The following USP16 variants were observed in gnomAD, a reference collection of about 807,000 sequenced individuals.
USP16 encodes ubiquitin carboxyl-terminal hydrolase 16.
USP16 carries 77 observed loss-of-function variants against 95.9 expected under a neutral mutation model. That is an observed-to-expected ratio of 0.80 (90% CI 0.67 to 0.97). USP16 has a LOEUF of 0.97. Among genes scored for constraint, USP16 ranks in the 50% least tolerant of loss-of-function variants. The pLI, the probability that USP16 is intolerant of heterozygous loss-of-function variation, is 0.00. For synonymous variants in USP16, 303 were observed against 318.2 expected (o/e 0.95, Z 0.51); for missense variants, 943 against 959.9 (o/e 0.98, Z 0.23).
At position 29,046,797 on chromosome 21, in the gene USP16, A is replaced by G. The variant is rs752649188; in HGVS notation, c.1487A>G (p.Asn496Ser). The change falls in exon 14 of 18, where the codon AAC becomes AGC. Residue 496 changes from asparagine to serine, a missense_variant. Coordinates refer to ENST00000399976, the MANE Select transcript of USP16 (RefSeq NM_006447.3). ...CAAGGAGAAGTAAATATTAAATCCA[A>G]CCATATTTCACAAGAGGGTGTTATG... Reference protein sequence around the residue: ...SLQGEVNIKSNHISQEGVMHK... With the variant: ...SLQGEVNIKSSHISQEGVMHK... The G allele has an allele frequency of 1.9e-6, 3 of 1,614,116 alleles. No individual in the cohort carries two copies. The highest frequency in any genetic ancestry group is 1.6e-4 in the Middle Eastern group (1 of 6,062).
intron 14 of USP16, among the ~76,000 whole-genome samples, 157 bp from the exon 15 acceptor site, chr21:29,048,604 T>C (rs2085366465): frequency 6.6e-6 from 1 of 152,232 alleles, no homozygotes; most frequent in African/African-American, 2.4e-5. Context: ...ATTTTGCCTC[T>C]TACTCCACAA....
At chr21:29,030,425 A>C (rs1053802065) in intron 2 of USP16, among the ~76,000 whole-genome samples, 170 bp from the exon 3 acceptor site, 1 of 152,216 alleles carries the variant, frequency 6.6e-6, no homozygotes, top group Non-Finnish European at 1.5e-5. Flanking sequence ...TCTTTCTCAC[A>C]TATTTATCTC....
chr21:29,026,172 G>A (rs1439810745), intron 1 of USP16, among the ~76,000 whole-genome samples: 1 of 152,122 alleles, frequency 6.6e-6, no homozygotes, highest in Non-Finnish European at 1.5e-5. Flanking sequence ...ACAAGAGAAG[G>A]ACTTGGCCAG....
At chr21:29,045,224 G>A (rs2085305107) in intron 13 of USP16, among the ~76,000 whole-genome samples, 1 of 152,052 alleles carries the variant, frequency 6.6e-6, no homozygotes, top group Admixed American at 6.6e-5. Context: ...GAAAATGTTT[G>A]GTTCCCATCC....
At chr21:29,051,005 A>G (rs889380459) in intron 16 of USP16, among the ~76,000 whole-genome samples, 21 of 152,130 alleles carry the variant, frequency 1.4e-4, no homozygotes, top group African/African-American at 4.6e-4. Flanking sequence ...TGGGCAGGAG[A>G]TGGGGAGATA....
At chr21:29,030,570 C>A in intron 2 of USP16, 25 bp from the exon 3 acceptor site, 1 of 1,531,528 alleles carries the variant, frequency 6.5e-7, no homozygotes. Flanking sequence ...CTTATATATT[C>A]CTTGTCTATT....
intron 16 of USP16, among the ~76,000 whole-genome samples, chr21:29,050,614 T>A (rs2146400524): frequency 6.6e-6 from 1 of 152,268 alleles, no homozygotes; most frequent in African/African-American, 2.4e-5. Flanking sequence ...CAAGATGAAA[T>A]GAGTTTTGCA....
chr21:29,034,761 G>C, intron 3 of USP16, 76 bp from the exon 4 acceptor site: 2 of 1,350,358 alleles, frequency 1.5e-6, no homozygotes, highest in Non-Finnish European at 2.1e-6. Flanking sequence ...CCACTTCCTT[G>C]TTTATGATAG....
In USP16 at chr21:29,047,254, T is replaced by C; in HGVS notation, c.1944T>C (p.Asp648=). 1 of 1,614,144 alleles carries C rather than the reference T, an allele frequency of 6.2e-7. No individual in the cohort carries two copies. Among genetic ancestry groups the C allele is most frequent in the Middle Eastern group, 1.6e-4 (1 of 6,062 alleles). ...TCACCCGTAATGAGAAACTTCGAGA[T>C]GCGAATAAACTGCTTTGTGAAGTAT... ...YQFTRNEKLR[D]ANKLLCEVCT... Residue 648 remains aspartate (D), a synonymous_variant, in exon 14 of 18, where the codon GAT becomes GAC. Transcript: ENST00000399976.
intron 11 of USP16, 115 bp from the exon 12 acceptor site, chr21:29,042,357 C>T: frequency 9.2e-7 from 1 of 1,086,928 alleles, no homozygotes; most frequent in Non-Finnish European, 1.3e-6. Flanking sequence ...TTTTCTTAAG[C>T]CTTTGTTTAT....
intron 14 of USP16, among the ~76,000 whole-genome samples, chr21:29,048,177 G>A (rs2085359516): frequency 1.3e-5 from 2 of 150,696 alleles, no homozygotes; most frequent in South Asian, 4.2e-4. Context: ...CCACCTCCCG[G>A]GTTCAAGAGA....
chr21:29,030,213 C>T (rs983829551), intron 2 of USP16, among the ~76,000 whole-genome samples: 2 of 152,130 alleles, frequency 1.3e-5, no homozygotes, highest in Middle Eastern at 3.4e-3. Flanking sequence ...TAGCACAGTG[C>T]CTGCCCTATA....
intron 16 of USP16, 138 bp downstream of exon 16, chr21:29,050,316 A>G: frequency 1.5e-6 from 1 of 671,740 alleles, no homozygotes; most frequent in Non-Finnish European, 2.4e-6. Flanking sequence ...TTGTACCTTT[A>G]TAATTTGAAG....
chr21:29,044,399 T>G (rs1016550205), intron 13 of USP16, among the ~76,000 whole-genome samples: 2 of 152,018 alleles, frequency 1.3e-5, no homozygotes, highest in Non-Finnish European at 2.9e-5. Context: ...TTGTTTATAC[T>G]TAGATTCTTG....
Position 29,024,745 on chromosome 21 carries a change from G to A in USP16, c.-74G>A. 1 of 1,289,304 alleles carries A rather than the reference G, an allele frequency of 7.8e-7. No homozygotes were observed. Among genetic ancestry groups the A allele is most frequent in the Middle Eastern group, 2.2e-4 (1 of 4,608 alleles). The allele number at this position is 1,289,304 out of a possible 1,614,324, so 79.9% of individuals were successfully genotyped here. ...CTGGCTGCCCAGCCCAAAGGCCCAT[G>A]AGGGGATGCAGTTATGGGCTCTGTC... On this transcript the variant is annotated 5_prime_UTR_variant, in exon 1 of 18. It removes an upstream start codon present in the reference 5' UTR. Coordinates refer to ENST00000399976, the MANE Select transcript of USP16 (RefSeq NM_006447.3).
chr21:29,024,762 G>T lies in USP16; in HGVS notation c.-57G>T. The T allele has an allele frequency of 7.8e-7, 1 of 1,288,650 alleles. No homozygotes were observed. Among genetic ancestry groups the T allele is most frequent in the South Asian group, 1.2e-5 (1 of 80,988 alleles). The allele number at this position is 1,288,650 out of a possible 1,614,324, so 79.8% of individuals were successfully genotyped here. On this transcript the variant is annotated 5_prime_UTR_variant, in exon 1 of 18. Transcript: ENST00000399976. ...AGGCCCATGAGGGGATGCAGTTATGGGCTCTGTCGCCGTGGGTGAGTTCTG... is the reference window on the plus strand; with the variant it reads ...AGGCCCATGAGGGGATGCAGTTATGTGCTCTGTCGCCGTGGGTGAGTTCTG...
chr21:29,039,444 C>A, intron 8 of USP16, 37 bp from the exon 9 acceptor site: 1 of 1,599,930 alleles, frequency 6.3e-7, no homozygotes, highest in Non-Finnish European at 8.5e-7. Context: ...GCTTAGTAGA[C>A]TGAAGATTGC....
chr21:29,025,157 AG>A (rs2084968069), intron 1 of USP16, among the ~76,000 whole-genome samples: 1 of 152,206 alleles, frequency 6.6e-6, no homozygotes, highest in African/African-American at 2.4e-5. Context: ...TAGGAAAAGC[AG>A]GATCTGTCAC....
At position 29,039,053 on chromosome 21, in the gene USP16, C is replaced by G. The variant is rs565573891; in HGVS notation, c.760C>G (p.Pro254Ala). Residue 254 changes from proline to alanine, a missense_variant, in exon 8 of 18, where the codon CCA becomes GCA. Pro to Ala is a conservative substitution (Grantham distance 27, BLOSUM62 -1). Coordinates refer to ENST00000399976, the MANE Select transcript of USP16 (RefSeq NM_006447.3). ...ACCATTAGAAATAAACCTTGAGCCTCCAGGCCCTCTTACTTTAGCCATGAG... is the reference window on the plus strand; with the variant it reads ...ACCATTAGAAATAAACCTTGAGCCTGCAGGCCCTCTTACTTTAGCCATGAG... ...TEPLEINLEP[P>A]GPLTLAMSQF... The G allele has an allele frequency of 2.9e-5, 45 of 1,578,144 alleles. No homozygotes were observed. Among genetic ancestry groups the G allele is most frequent in the Non-Finnish European group, 3.9e-5 (45 of 1,160,794 alleles).
Sources: allele counts gnomAD v4.1 joint callset (sites outside exome capture counted in the v4.1 genomes callset), GRCh38; gene constraint gnomAD v4.1.1; transcripts MANE v1.5; gene names NCBI Gene and HGNC (gene_info 2026-07-23, HGNC 2026-07-21).